SYT10: variants seen among roughly 807,000 people sequenced by gnomAD.
SYT10 encodes synaptotagmin-10.
A neutral mutation model predicts 51.1 loss-of-function variants in SYT10; 31 were observed. The observed-to-expected ratio is 0.61, with a 90% CI of 0.46 to 0.82. The LOEUF is 0.82. Ranked by LOEUF, SYT10 falls within the 40% of genes least tolerant of loss-of-function variation. The probability of loss-of-function intolerance (pLI) is 0.00; values close to 1 mark genes in which losing one functional copy is unlikely to be tolerated. For missense variants in SYT10, 603 were observed against 634.0 expected, an observed-to-expected ratio of 0.95 and a Z score of 0.53; for synonymous variants, 233 against 225.9, an observed-to-expected ratio of 1.03 and a Z score of -0.28.
intron 2 of SYT10, among the ~76,000 whole-genome samples, chr12:33,418,152 A>C (rs1449248703): frequency 1.3e-5 from 2 of 152,152 alleles, no homozygotes; most frequent in South Asian, 2.1e-4. Context: ...CAACATTGCT[A>C]AATTCAAACA....
chr12:33,426,094 ACACACG>A (rs1312456792), intron 2 of SYT10, 38 bp downstream of exon 2: 3 of 1,502,100 alleles, frequency 2.0e-6, no homozygotes, highest in Non-Finnish European at 2.7e-6. Flanking sequence ...ACACACACAC[ACACACG>A]CACACACACC....
chr12:33,434,212 T>C (rs1284955494), intron 1 of SYT10, among the ~76,000 whole-genome samples: 1 of 152,218 alleles, frequency 6.6e-6, no homozygotes, highest in African/African-American at 2.4e-5. Flanking sequence ...TTGAACACAC[T>C]CTGAAGAAAA....
intron 2 of SYT10, among the ~76,000 whole-genome samples, chr12:33,424,758 C>T (rs1866535692): frequency 6.8e-6 from 1 of 147,876 alleles, no homozygotes; most frequent in South Asian, 2.1e-4. Flanking sequence ...ATATATAGTT[C>T]AATAAATATA....
chr12:33,397,986 C>G (rs1172838282), intron 3 of SYT10, among the ~76,000 whole-genome samples: 1 of 151,930 alleles, frequency 6.6e-6, no homozygotes. Flanking sequence ...AAAGTTAGAA[C>G]TAACTGCCAG....
chr12:33,401,827 T>C (rs914553064), intron 3 of SYT10, among the ~76,000 whole-genome samples: 5 of 152,202 alleles, frequency 3.3e-5, no homozygotes, highest in Admixed American at 1.3e-4. Flanking sequence ...TTTGCTATGT[T>C]AAATAACATT....
intron 2 of SYT10, among the ~76,000 whole-genome samples, chr12:33,417,081 A>T (rs1285823702): frequency 6.6e-6 from 1 of 152,124 alleles, no homozygotes; most frequent in Non-Finnish European, 1.5e-5. Flanking sequence ...TGAGAAGAGG[A>T]AGAAGGTGAT....
chr12:33,379,880 C>A lies in SYT10; in HGVS notation c.1452G>T (p.Met484Ile), dbSNP rs1409712631. The change falls in exon 6 of 7, where the codon ATG becomes ATT. Residue 484 changes from methionine to isoleucine, a missense_variant. Met to Ile is a conservative substitution (Grantham distance 10). Transcript: ENST00000228567. ...TTATTGGTTTTCGATGATAGGCCAGCATTTCATTCCAGTGGTCTCGCCCAA... is the reference window on the plus strand; with the variant it reads ...TTATTGGTTTTCGATGATAGGCCAGAATTTCATTCCAGTGGTCTCGCCCAA... Reference protein sequence around the residue: ...EGLGRDHWNEMLAYHRKPITH... With the variant: ...EGLGRDHWNEILAYHRKPITH... 2.5e-6 allele frequency: 4 copies of A among 1,613,860 alleles called. No individual in the cohort carries two copies. The highest frequency in any genetic ancestry group is 3.4e-6 in the Non-Finnish European group (4 of 1,179,938).
At chr12:33,400,277 A>C (rs1866291361) in intron 3 of SYT10, among the ~76,000 whole-genome samples, 1 of 152,182 alleles carries the variant, frequency 6.6e-6, no homozygotes, top group Admixed American at 6.5e-5. Context: ...GGTAGAATTA[A>C]AAAGACACCT....
At chr12:33,383,150 A>G (rs954107691) in intron 4 of SYT10, among the ~76,000 whole-genome samples, 1 of 152,176 alleles carries the variant, frequency 6.6e-6, no homozygotes, top group Non-Finnish European at 1.5e-5. Flanking sequence ...CTATAGTATT[A>G]TAGAACATTA....
At chr12:33,409,750 C>G (rs1327094973) in intron 2 of SYT10, among the ~76,000 whole-genome samples, 2 of 151,958 alleles carry the variant, frequency 1.3e-5, no homozygotes, top group Non-Finnish European at 2.9e-5. Context: ...CTCCTGATCT[C>G]AAAGAAGAGT....
chr12:33,434,999 G>A (rs944733775), intron 1 of SYT10, among the ~76,000 whole-genome samples: 35 of 152,066 alleles, frequency 2.3e-4, no homozygotes, highest in African/African-American at 7.2e-4. Flanking sequence ...AAATAGAAAT[G>A]ATTTTCATTG....
intron 2 of SYT10, chr12:33,408,414 C>G (rs1361992606): frequency 6.6e-6 from 1 of 152,098 alleles, no homozygotes; most frequent in African/African-American, 2.4e-5. Context: ...ACTATTACTA[C>G]TCATCTAGTC....
chr12:33,423,641 T>C (rs543447856), intron 2 of SYT10, among the ~76,000 whole-genome samples: 4 of 152,304 alleles, frequency 2.6e-5, no homozygotes, highest in South Asian at 2.1e-4. Context: ...GATATTCATA[T>C]ACAATTCCAG....
chr12:33,402,867 A>G (rs1406035549), intron 3 of SYT10, among the ~76,000 whole-genome samples: 2 of 152,132 alleles, frequency 1.3e-5, no homozygotes, highest in African/African-American at 2.4e-5. Context: ...TGATTTTCCT[A>G]GAGTCTTATT....
chr12:33,379,776 A>C, intron 6 of SYT10, 56 bp downstream of exon 6: 1 of 1,593,878 alleles, frequency 6.3e-7, no homozygotes, highest in Non-Finnish European at 8.6e-7. Context: ...CAAATAAATA[A>C]TATTTAAGCA....
At chr12:33,434,276 T>C (rs534129590) in intron 1 of SYT10, among the ~76,000 whole-genome samples, 3 of 152,236 alleles carry the variant, frequency 2.0e-5, no homozygotes, top group Admixed American at 2.0e-4. Context: ...TATTGCTGAC[T>C]GAATTCTAGC....
At chr12:33,432,752 TTGAC>T (rs1406869499) in intron 1 of SYT10, 2 of 152,210 alleles carry the variant, frequency 1.3e-5, no homozygotes, top group South Asian at 4.1e-4. Flanking sequence ...GTTTTAAAAA[TTGAC>T]TGTCATGTTA....
At chr12:33,392,217 T>C (rs1866213748) in intron 3 of SYT10, among the ~76,000 whole-genome samples, 2 of 152,216 alleles carry the variant, frequency 1.3e-5, no homozygotes, top group Admixed American at 1.3e-4. Flanking sequence ...CAGAATCAAA[T>C]GTATCCCTAA....
intron 3 of SYT10, among the ~76,000 whole-genome samples, chr12:33,404,618 C>T (rs575730400): frequency 6.6e-6 from 1 of 152,200 alleles, no homozygotes; most frequent in Admixed American, 6.5e-5. Context: ...GTCTTGAACT[C>T]TTGACCTCGT....
Sources: allele counts gnomAD v4.1 joint callset (sites outside exome capture counted in the v4.1 genomes callset), GRCh38; gene constraint gnomAD v4.1.1; transcripts MANE v1.5; gene names NCBI Gene and HGNC (gene_info 2026-07-23, HGNC 2026-07-21).